The following USP15 variants were observed in gnomAD, a reference collection of about 807,000 sequenced individuals.
The protein encoded by USP15 is ubiquitin specific peptidase 15, also known as ubiquitin carboxyl-terminal hydrolase 15.
A neutral mutation model predicts 127.1 loss-of-function variants in USP15; 18 were observed. The ratio of observed to expected loss-of-function variants is 0.14; its 90% confidence interval spans 0.10 to 0.21. The LOEUF is 0.21. USP15 is among the 10% of genes least tolerant of loss of function. The probability of loss-of-function intolerance (pLI) is 1.00; values close to 1 mark genes in which losing one functional copy is unlikely to be tolerated. For missense variants in USP15, 805 were observed against 1,159.9 expected (o/e 0.69, Z 4.44); for synonymous variants, 364 against 393.7 (o/e 0.92, Z 0.89).
At position 62,404,467 on chromosome 12, in the gene USP15, G is replaced by GAAACTCCCCATCTC; in HGVS notation, c.*93_*94insAACTCCCCATCTCA. 7.1e-7 allele frequency: 1 copy of GAAACTCCCCATCTC among 1,411,732 alleles called. No homozygotes were observed. Among genetic ancestry groups the GAAACTCCCCATCTC allele is most frequent in the Non-Finnish European group, 9.3e-7 (1 of 1,076,750 alleles). The allele number at this position is 1,411,732 out of a possible 1,614,324, so 87.5% of individuals were successfully genotyped here. A position where few individuals can be genotyped will look rare whatever the true frequency, so the allele number is the denominator to read the frequency against. The stretch of plus-strand genomic sequence containing the variant: ...ACCCACCACATTAAAACAAAAGTCT[G>GAAACTCCCCATCTC]AGATGGGGAGTTTCAGATAACCGAA... On this transcript the variant is annotated 3_prime_UTR_variant, in exon 22 of 22. Coordinates refer to ENST00000280377, the MANE Select transcript of USP15 (RefSeq NM_001252078.2).
chr12:62,326,989 G>T (rs1252398010), intron 6 of USP15, among the ~76,000 whole-genome samples: 1 of 151,976 alleles, frequency 6.6e-6, no homozygotes, highest in African/African-American at 2.4e-5. Context: ...AATTAGCCAG[G>T]AGTGATGATG....
chr12:62,304,476 T>C (rs988224158), intron 3 of USP15, among the ~76,000 whole-genome samples: 1 of 152,184 alleles, frequency 6.6e-6, no homozygotes, highest in Non-Finnish European at 1.5e-5. Context: ...ATTTTCACTG[T>C]GGCCCACATG....
chr12:62,401,909 T>C (rs902008367), intron 21 of USP15, among the ~76,000 whole-genome samples: 2 of 84,028 alleles, frequency 2.4e-5, no homozygotes, highest in Non-Finnish European at 4.8e-5. Context: ...TACATATATA[T>C]GTATATATAC....
chr12:62,390,486 G>A (rs936610654), intron 14 of USP15, among the ~76,000 whole-genome samples: 3 of 151,984 alleles, frequency 2.0e-5, no homozygotes, highest in Non-Finnish European at 4.4e-5. Flanking sequence ...ATCCTTGAAA[G>A]CTGGTATATT....
intron 1 of USP15, among the ~76,000 whole-genome samples, chr12:62,287,879 C>T (rs1244352253): frequency 6.6e-6 from 1 of 151,978 alleles, no homozygotes; most frequent in African/African-American, 2.4e-5. Flanking sequence ...TTGTCAGCTT[C>T]GTTGAAGATC....
intron 8 of USP15, among the ~76,000 whole-genome samples, chr12:62,359,599 C>G (rs559104365): frequency 1.9e-4 from 29 of 152,264 alleles, no homozygotes; most frequent in Admixed American, 1.8e-3. Context: ...ACCGTTCTAT[C>G]TGTCCTCTTT....
intron 6 of USP15, among the ~76,000 whole-genome samples, chr12:62,326,804 T>G (rs1216801643): frequency 6.6e-6 from 1 of 152,166 alleles, no homozygotes; most frequent in Non-Finnish European, 1.5e-5. Context: ...TTTAACCAAG[T>G]GAATAAAAAA....
chr12:62,383,750 G>C (rs926028750), intron 9 of USP15, 90 bp from the exon 10 acceptor site: 46 of 1,340,202 alleles, frequency 3.4e-5, no homozygotes, highest in Non-Finnish European at 4.3e-5. Flanking sequence ...CACAAATGTG[G>C]AATCCATGAA....
chr12:62,345,450 G>A (rs994488364), intron 6 of USP15, among the ~76,000 whole-genome samples: 3 of 152,190 alleles, frequency 2.0e-5, no homozygotes, highest in Non-Finnish European at 4.4e-5. Flanking sequence ...TCTCTAGGAA[G>A]TTTTAAACTT....
At chr12:62,265,608 A>G (rs1006005938) in intron 1 of USP15, among the ~76,000 whole-genome samples, 20 of 152,146 alleles carry the variant, frequency 1.3e-4, no homozygotes, top group Non-Finnish European at 1.5e-4. Flanking sequence ...GTGTAGTGGC[A>G]TAGTCATAGC....
chr12:62,365,006 C>T lies in USP15; in HGVS notation c.915+9531C>T, dbSNP rs377448591. On this transcript the variant is annotated intron_variant, in intron 8 of 21. Transcript: ENST00000280377. Reference sequence around the variant, plus strand: ...AAGACTTTGCTATTGTGAAAAGTGCCGCAGTAAGTGTATGTGTGCATGTGT... The same window carrying T: ...AAGACTTTGCTATTGTGAAAAGTGCTGCAGTAAGTGTATGTGTGCATGTGT... 3.3e-5 allele frequency among the ~76,000 whole-genome samples: 5 copies of T among 152,092 alleles called. No individual in the cohort carries two copies. The East Asian group carries it at 7.7e-4, about 23-fold the overall frequency.
intron 3 of USP15, chr12:62,303,537 G>A (rs1305848882): frequency 6.6e-6 from 1 of 151,974 alleles, no homozygotes; most frequent in Non-Finnish European, 1.5e-5. Context: ...TGTAGGAGGG[G>A]TGGGAGGCTG....
chr12:62,299,158 C>T (rs900682103), intron 2 of USP15, among the ~76,000 whole-genome samples: 4 of 152,090 alleles, frequency 2.6e-5, no homozygotes, highest in Admixed American at 2.0e-4. Context: ...GAGTCTCACT[C>T]TGTTGCCCAG....
At chr12:62,299,618 A>G (rs772495489) in intron 2 of USP15, among the ~76,000 whole-genome samples, 26 of 152,208 alleles carry the variant, frequency 1.7e-4, no homozygotes, top group Non-Finnish European at 3.1e-4. Flanking sequence ...TATTGTTGCT[A>G]TGAACATTCA....
Position 62,409,917 on chromosome 12 carries a change from T to G in USP15, c.*5542T>G, listed in dbSNP as rs2067996887. The G allele has an allele frequency of 6.6e-6, 1 of 152,148 alleles. No homozygotes were observed. The highest frequency in any genetic ancestry group is 2.1e-4 in the South Asian group (1 of 4,830). The allele number at this position is 152,148 out of a possible 1,614,324, so 9.4% of individuals were successfully genotyped here. A position where few individuals can be genotyped will look rare whatever the true frequency, so the allele number is the denominator to read the frequency against. ...ATTTTTTTTTAATAGTATTTGCTTT[T>G]CTTTTAAACTCCATAAAGGAGTATT... On this transcript the variant is annotated 3_prime_UTR_variant, in exon 22 of 22. Coordinates refer to ENST00000280377, the MANE Select transcript of USP15 (RefSeq NM_001252078.2).
intron 8 of USP15, 40 bp from the exon 9 acceptor site, chr12:62,381,450 A>G (rs2066988968): frequency 2.0e-6 from 3 of 1,515,594 alleles, no homozygotes; most frequent in Admixed American, 2.0e-5. Context: ...AAAATTCATT[A>G]TGATTACTTT....
intron 6 of USP15, among the ~76,000 whole-genome samples, chr12:62,338,947 A>T (rs2065567057): frequency 6.6e-6 from 1 of 152,176 alleles, no homozygotes; most frequent in South Asian, 2.1e-4. Flanking sequence ...TGTCTTGGCT[A>T]TACAGGCTCA....
rs1247968441 is a variant in USP15, at chr12:62,321,496, A to G, written c.508A>G (p.Ser170Gly). The change falls in exon 5 of 22, where the codon AGT becomes GGT. Residue 170 changes from serine to glycine, a missense_variant. By Grantham distance (56) the Ser-to-Gly change is moderately conservative. Transcript: ENST00000280377. ...TIEKEIRKIF[S>G]IPDEKETRLW... ...TGAAAAGGAAATAAGAAAAATCTTCAGTATTCCAGATGAAAAGGAGACCAG... is the reference window on the plus strand; with the variant it reads ...TGAAAAGGAAATAAGAAAAATCTTCGGTATTCCAGATGAAAAGGAGACCAG... The G allele has an allele frequency of 6.3e-7, 1 of 1,599,838 alleles. No homozygotes were observed. The highest frequency in any genetic ancestry group is 1.1e-5 in the South Asian group (1 of 88,938).
intron 5 of USP15, among the ~76,000 whole-genome samples, chr12:62,321,862 A>G (rs956534340): frequency 2.6e-5 from 4 of 152,190 alleles, no homozygotes; most frequent in Non-Finnish European, 5.9e-5. Flanking sequence ...AAGGTGGGTC[A>G]GCAAACTTTC....
Sources: allele counts gnomAD v4.1 joint callset (sites outside exome capture counted in the v4.1 genomes callset), GRCh38; gene constraint gnomAD v4.1.1; transcripts MANE v1.5; gene names NCBI Gene and HGNC (gene_info 2026-07-23, HGNC 2026-07-21).